Variants in SEC31B observed in about 807,000 individuals in gnomAD.
SEC31B encodes protein transport protein Sec31B.
Under a neutral mutation model 135.0 loss-of-function variants are expected in SEC31B, and 113 were observed. The observed-to-expected ratio is 0.84, with a 90% CI of 0.72 to 0.98. The LOEUF is 0.98. Ranked by LOEUF, SEC31B falls within the 50% of genes least tolerant of loss-of-function variation. SEC31B has a pLI of 0.00. For missense variants in SEC31B, 1,296 were observed against 1,421.1 expected, an observed-to-expected ratio of 0.91 and a Z score of 1.42; for synonymous variants, 508 against 549.4, an observed-to-expected ratio of 0.92 and a Z score of 1.05.
At chr10:100,505,050 C>CA (rs1447622245) in intron 10 of SEC31B, among the ~76,000 whole-genome samples, 5 of 151,864 alleles carry the variant, frequency 3.3e-5, no homozygotes, top group Admixed American at 2.0e-4. Flanking sequence ...TCCTTACTAC[C>CA]AGTCCAGACA....
At chr10:100,514,980 CAAAAA>C (rs1232368371) in intron 3 of SEC31B, among the ~76,000 whole-genome samples, 1 of 63,950 alleles carries the variant, frequency 1.6e-5, no homozygotes, top group Non-Finnish European at 3.3e-5. Context: ...GACTCCATCT[CAAAAA>C]AAAAAAAAAA....
chr10:100,497,694 C>T lies in SEC31B; in HGVS notation c.1963G>A (p.Gly655Ser). The change falls in exon 16 of 26, where the codon GGC becomes AGC. Residue 655 changes from glycine (G) to serine (S), a missense_variant. Physicochemically the swap from Gly to Ser is moderately conservative, Grantham distance 56. Transcript: ENST00000370345. ...EALALLLTYS[G>S]TEKFPELCDM... ...CAGAGCTCGGGAAATTTCTCTGTGC[C>T]TGAGTATGTCAGTAGCAAAGCCAGT... is the stretch of plus-strand genomic sequence containing the variant. The T allele has an allele frequency of 6.2e-7, 1 of 1,614,212 alleles. No homozygotes were observed. The highest frequency in any genetic ancestry group is 8.5e-7 in the Non-Finnish European group (1 of 1,180,046).
At chr10:100,495,611 T>G (rs1851393287) in intron 18 of SEC31B, 65 bp from the exon 19 acceptor site, 2 of 1,515,558 alleles carry the variant, frequency 1.3e-6, no homozygotes, top group African/African-American at 2.7e-5. Context: ...CAGGTAGCAG[T>G]CAAATTTCAG....
chr10:100,507,424 C>T lies in SEC31B; in HGVS notation c.782+1G>A, dbSNP rs773068982. 1.2e-6 allele frequency: 2 copies of T among 1,614,210 alleles called. No homozygotes were observed. The highest frequency in any genetic ancestry group is 1.7e-6 in the Non-Finnish European group (2 of 1,180,024). On this transcript the variant is annotated splice_donor_variant, in intron 7 of 25. Transcript: ENST00000370345. LOFTEE classifies it high-confidence loss of function. The stretch of plus-strand genomic sequence containing the variant: ...GATATGGATGACGTCTGAGATGCTA[C>T]CTGCTGTGGCTCTCCAGCACCTTCA...
At chr10:100,502,787 C>G (rs1564651476) in intron 10 of SEC31B, among the ~76,000 whole-genome samples, 1 of 152,168 alleles carries the variant, frequency 6.6e-6, no homozygotes, top group Non-Finnish European at 1.5e-5. Context: ...TCAGCATTAG[C>G]AAAGTCTTCA....
chr10:100,510,533 G>A (rs947040786), intron 3 of SEC31B, among the ~76,000 whole-genome samples: 1 of 152,210 alleles, frequency 6.6e-6, no homozygotes, highest in African/African-American at 2.4e-5. Context: ...AGCCTCATAG[G>A]TGGTCTGTCT....
chr10:100,488,882 G>A lies in SEC31B; in HGVS notation c.3264C>T (p.Arg1088=). 6.2e-7 allele frequency: 1 copy of A among 1,605,924 alleles called. No homozygotes were observed. Among genetic ancestry groups the A allele is most frequent in the South Asian group, 1.1e-5 (1 of 89,700 alleles). Residue 1088 remains arginine, a synonymous_variant, in exon 24 of 26, where the codon CGC becomes CGT. Transcript: ENST00000370345. ...CTAAGTCAGTTGCAGACAGGGAGCA[G>A]CGTTGGAGAAGCGCCTCAAAGCTGC... The part of the protein sequence containing the change: ...LKSSFEALLQ[R]CSLSATDLKT...
At position 100,487,546 on chromosome 10, in the gene SEC31B, A is replaced by T. The variant is rs1851203031; in HGVS notation, c.*70T>A. ...AAAAAGAAACAGAATCTGTTGCAGA[A>T]GTCCCCTCTTCTGCAGGGAGGAGTT... On this transcript the variant is annotated 3_prime_UTR_variant, in exon 26 of 26. Coordinates refer to ENST00000370345, the MANE Select transcript of SEC31B (RefSeq NM_015490.4). The T allele has an allele frequency of 7.3e-7, 1 of 1,361,220 alleles. No homozygotes were observed. The highest frequency in any genetic ancestry group is 1.0e-6 in the Non-Finnish European group (1 of 982,536). 84.3% of individuals were successfully genotyped at this position (1,361,220 alleles called of 1,614,324 possible). A position where few individuals can be genotyped will look rare whatever the true frequency, so the allele number is the denominator to read the frequency against.
chr10:100,503,104 C>T (rs1251443866), intron 10 of SEC31B, among the ~76,000 whole-genome samples: 2 of 152,146 alleles, frequency 1.3e-5, no homozygotes, highest in Non-Finnish European at 2.9e-5. Context: ...CATCTCTCTC[C>T]CTGCTTGTTT....
At chr10:100,517,581 C>T (rs759317953) in intron 1 of SEC31B, among the ~76,000 whole-genome samples, 2 of 152,154 alleles carry the variant, frequency 1.3e-5, no homozygotes, top group Non-Finnish European at 2.9e-5. Context: ...AGGCTGGTCT[C>T]GAACTCCTGA....
At chr10:100,513,074 G>T (rs546900548) in intron 3 of SEC31B, among the ~76,000 whole-genome samples, 1 of 152,180 alleles carries the variant, frequency 6.6e-6, no homozygotes, top group African/African-American at 2.4e-5. Flanking sequence ...TTATGATACT[G>T]ACTGTTGAGC....
At chr10:100,508,299 A>T (rs1234563020) in intron 5 of SEC31B, among the ~76,000 whole-genome samples, 1 of 152,180 alleles carries the variant, frequency 6.6e-6, no homozygotes, top group African/African-American at 2.4e-5. Context: ...TACTAAGAGG[A>T]TAGAGTCAAG....
chr10:100,510,870 T>C (rs912405925), intron 3 of SEC31B, among the ~76,000 whole-genome samples: 18 of 152,198 alleles, frequency 1.2e-4, no homozygotes, highest in East Asian at 1.2e-3. Flanking sequence ...CAGAAGGATG[T>C]TTTTCCATAC....
chr10:100,505,956 T>A, intron 9 of SEC31B, 84 bp downstream of exon 9: 5 of 1,586,020 alleles, frequency 3.2e-6, no homozygotes, highest in Non-Finnish European at 4.3e-6. Context: ...ATCTCCAATA[T>A]CTCCGCTTCT....
In SEC31B at chr10:100,507,553, G is replaced by C. The variant is rs200534268; in HGVS notation, c.654C>G (p.Gly218=). 7 of 1,614,198 alleles carry C rather than the reference G, an allele frequency of 4.3e-6. No homozygotes were observed. The highest frequency in any genetic ancestry group is 5.1e-6 in the Non-Finnish European group (6 of 1,180,032). Residue 218 remains glycine, a synonymous_variant, in exon 7 of 26, where the codon GGC becomes GGG. Transcript: ENST00000370345. ...TGGCTATGTCAGGATGCCAGGCCAG[G>C]CCTGAGCAGTGCATCTGTGAACAAA... The part of the protein sequence containing the change: ...SDHSNRMHCS[G]LAWHPDIATQ...
At chr10:100,512,875 G>C (rs1214162096) in intron 3 of SEC31B, among the ~76,000 whole-genome samples, 2 of 152,172 alleles carry the variant, frequency 1.3e-5, no homozygotes, top group African/African-American at 2.4e-5. Flanking sequence ...ACATAAGTGA[G>C]GGAACCTAAG....
chr10:100,506,606 T>C (rs1253176140), intron 7 of SEC31B, 186 bp from the exon 8 acceptor site: 1 of 609,888 alleles, frequency 1.6e-6, no homozygotes, highest in Non-Finnish European at 2.9e-6. Context: ...TTTCCAACAG[T>C]TGCAGAGTCA....
Position 100,488,064 on chromosome 10 carries a change from C to T in SEC31B, c.3323G>A (p.Arg1108His), listed in dbSNP as rs112170994. ...TKRKLEEAAQ[R>H]LEYLYEKLCE... ...GAGCTTCTCATATAGATACTCCAGA[C>T]GCTGGGCTGCCTCTTCCAGCTTCCT... The change falls in exon 25 of 26, where the codon CGT becomes CAT. Residue 1108 changes from arginine (R) to histidine (H), a missense_variant. Coordinates refer to ENST00000370345, the MANE Select transcript of SEC31B (RefSeq NM_015490.4). 473 of 1,614,110 alleles carry T rather than the reference C, an allele frequency of 2.9e-4. 3 individuals are homozygous for T. In the African/African-American group the frequency reaches 3.0e-3, roughly 10 times the overall value.
At chr10:100,505,261 A>G (rs1851604071) in intron 10 of SEC31B, 100 bp downstream of exon 10, 1 of 1,484,790 alleles carries the variant, frequency 6.7e-7, no homozygotes. Flanking sequence ...GTCTGCTACA[A>G]AACTTAGCTC....
Sources: allele counts gnomAD v4.1 joint callset (sites outside exome capture counted in the v4.1 genomes callset), GRCh38; gene constraint gnomAD v4.1.1; transcripts MANE v1.5; gene names NCBI Gene and HGNC (gene_info 2026-07-23, HGNC 2026-07-21).